The following LPP variants were observed in gnomAD, a reference collection of about 807,000 sequenced individuals.
LPP encodes the protein lipoma-preferred partner.
In LPP, 38 loss-of-function variants were observed where a neutral mutation model predicts 60.4. That is an observed-to-expected ratio of 0.63 (90% CI 0.49 to 0.83). The LOEUF is 0.83. Among genes scored for constraint, LPP ranks in the 40% least tolerant of loss-of-function variants. The probability of loss-of-function intolerance (pLI) is 0.00; values close to 1 mark genes in which losing one functional copy is unlikely to be tolerated. For synonymous variants in LPP, 328 were observed against 290.8 expected, an observed-to-expected ratio of 1.13 and a Z score of -1.30; for missense variants, 902 against 783.6, an observed-to-expected ratio of 1.15 and a Z score of -1.80.
intron 8 of LPP, among the ~76,000 whole-genome samples, chr3:188,717,747 A>G (rs1408205740): frequency 2.6e-5 from 4 of 152,230 alleles, no homozygotes; most frequent in Admixed American, 2.0e-4. Flanking sequence ...CTAAATAAAT[A>G]ATAATTCTGA....
At chr3:188,455,405 C>A (rs548741981) in intron 4 of LPP, among the ~76,000 whole-genome samples, 1 of 152,224 alleles carries the variant, frequency 6.6e-6, no homozygotes, top group South Asian at 2.1e-4. Flanking sequence ...TAAGCTGAAG[C>A]CGAGGTTTTA....
chr3:188,189,238 C>T (rs1727455897), intron 1 of LPP, among the ~76,000 whole-genome samples: 1 of 152,156 alleles, frequency 6.6e-6, no homozygotes, highest in Admixed American at 6.5e-5. Flanking sequence ...AAGCATGTGC[C>T]ATCATGCCCA....
At chr3:188,375,835 G>T in intron 3 of LPP, among the ~76,000 whole-genome samples, 1 of 151,856 alleles carries the variant, frequency 6.6e-6, no homozygotes, top group Non-Finnish European at 1.5e-5. Context: ...TTCTCTTGTG[G>T]GCATTTAGTG....
At chr3:188,742,697 A>G (rs900364724) in intron 8 of LPP, among the ~76,000 whole-genome samples, 1 of 152,098 alleles carries the variant, frequency 6.6e-6, no homozygotes, top group Non-Finnish European at 1.5e-5. Flanking sequence ...CAAATAGGGA[A>G]CTTTTTGGGG....
chr3:188,366,508 T>C (rs1266661851), intron 3 of LPP, among the ~76,000 whole-genome samples: 2 of 152,178 alleles, frequency 1.3e-5, no homozygotes, highest in Non-Finnish European at 2.9e-5. Flanking sequence ...CCTTCCTCAA[T>C]GCGTCATTTC....
intron 3 of LPP, among the ~76,000 whole-genome samples, chr3:188,389,775 CAAAAAAAA>C (rs56304365): frequency 3.5e-5 from 3 of 85,346 alleles, no homozygotes; most frequent in African/African-American, 1.6e-4. Context: ...GACTCCGTCT[CAAAAAAAA>C]AAAAAAAAAA....
chr3:188,169,738 T>A (rs999699678), intron 1 of LPP, among the ~76,000 whole-genome samples: 1 of 152,070 alleles, frequency 6.6e-6, no homozygotes. Context: ...CTGGGTTCAG[T>A]GATGTAATAT....
chr3:188,798,205 A>G (rs1003302963), intron 9 of LPP, among the ~76,000 whole-genome samples: 1 of 152,242 alleles, frequency 6.6e-6, no homozygotes, highest in Non-Finnish European at 1.5e-5. Flanking sequence ...GAAACGGGCA[A>G]TCTGGCCCAT....
intron 1 of LPP, among the ~76,000 whole-genome samples, chr3:188,189,378 G>A (rs78514144): frequency 0.024 from 3,717 of 152,290 alleles, 90 homozygotes; most frequent in South Asian, 0.088. Flanking sequence ...ATGAGCCACC[G>A]CACTAGGCCC....
At chr3:188,763,360 C>A (rs1733047459) in intron 9 of LPP, among the ~76,000 whole-genome samples, 1 of 151,690 alleles carries the variant, frequency 6.6e-6, no homozygotes, top group African/African-American at 2.4e-5. Context: ...TGAGACCAGT[C>A]TAATGTAAAT....
intron 7 of LPP, among the ~76,000 whole-genome samples, chr3:188,662,608 G>T (rs922652621): frequency 6.6e-6 from 1 of 152,236 alleles, no homozygotes; most frequent in East Asian, 1.9e-4. Context: ...GCTATTAATA[G>T]TTCCAACATC....
At chr3:188,817,738 G>A (rs981889447) in intron 9 of LPP, among the ~76,000 whole-genome samples, 5 of 152,108 alleles carry the variant, frequency 3.3e-5, no homozygotes, top group African/African-American at 7.2e-5. Flanking sequence ...GAACAAAAAT[G>A]GAAAACCAGA....
intron 3 of LPP, among the ~76,000 whole-genome samples, chr3:188,376,733 T>G (rs1775219879): frequency 6.6e-6 from 1 of 152,192 alleles, no homozygotes; most frequent in South Asian, 2.1e-4. Context: ...TATGTGTGAA[T>G]TCGATCCTGT....
intron 7 of LPP, among the ~76,000 whole-genome samples, chr3:188,692,367 C>T (rs1862322840): frequency 6.6e-6 from 1 of 152,202 alleles, no homozygotes; most frequent in Admixed American, 6.5e-5. Context: ...GGTTGGAGGT[C>T]ATTTACATTT....
intron 6 of LPP, among the ~76,000 whole-genome samples, chr3:188,575,049 G>A (rs1367152518): frequency 4.6e-5 from 7 of 151,990 alleles, no homozygotes; most frequent in Non-Finnish European, 2.9e-5. Context: ...AGCAAGGAAG[G>A]TTTCCCCATC....
chr3:188,491,628 C>T (rs1317719653), intron 5 of LPP, among the ~76,000 whole-genome samples: 1 of 152,124 alleles, frequency 6.6e-6, no homozygotes, highest in Non-Finnish European at 1.5e-5. Context: ...TTTTTATGGT[C>T]CACATATGTA....
At chr3:188,514,441 A>T (rs1051229751) in intron 5 of LPP, among the ~76,000 whole-genome samples, 8 of 129,586 alleles carry the variant, frequency 6.2e-5, no homozygotes, top group African/African-American at 1.6e-4. Context: ...TTTTTATTTT[A>T]TTTTTTTTTT....
intron 4 of LPP, among the ~76,000 whole-genome samples, chr3:188,454,958 C>T (rs138890827): frequency 4.6e-5 from 7 of 152,272 alleles, no homozygotes; most frequent in South Asian, 2.1e-4. Flanking sequence ...AGAAGGTGTT[C>T]ACAATGTTAT....
At chr3:188,233,551 G>A (rs1490644233) in intron 2 of LPP, among the ~76,000 whole-genome samples, 2 of 152,154 alleles carry the variant, frequency 1.3e-5, no homozygotes, top group Non-Finnish European at 2.9e-5. Context: ...CTATGATTAA[G>A]CCAGTGATTT....
Sources: gnomAD v4.1 joint callset for allele counts (sites outside exome capture counted in the v4.1 genomes callset) on GRCh38, gnomAD v4.1.1 for gene constraint, MANE v1.5 for transcripts, NCBI Gene and HGNC (gene_info 2026-07-23, HGNC 2026-07-21) for gene names.